The following HSPG2 variants were observed in gnomAD, a reference collection of about 807,000 sequenced individuals.
The protein encoded by HSPG2 is heparan sulfate proteoglycan 2.
In HSPG2, 278 loss-of-function variants were observed where a neutral mutation model predicts 526.6. The observed-to-expected ratio is 0.53, with a 90% CI of 0.48 to 0.58. HSPG2 has a LOEUF of 0.58. HSPG2 is among the 20% of genes least tolerant of loss of function. The probability of loss-of-function intolerance (pLI) is 0.00; values close to 1 mark genes in which losing one functional copy is unlikely to be tolerated. For missense variants in HSPG2, 5,354 were observed against 6,099.5 expected (o/e 0.88, Z 4.07); for synonymous variants, 2,465 against 2,555.4 (o/e 0.96, Z 1.07).
Position 21,876,785 on chromosome 1 carries a change from G to A in HSPG2, c.2686-133C>T, listed in dbSNP as rs1452512809. On this transcript the variant is annotated intron_variant, in intron 21 of 96. Transcript: ENST00000374695. ...ACTGAAAGAGCACATGTGGCTGGGC[G>A]CGGTGGCTCACGCCTGTAATCCCAG... 9.9e-6 allele frequency: 12 copies of A among 1,213,430 alleles called. No homozygotes were observed. In the East Asian group the frequency reaches 1.0e-4, roughly 10 times the overall value. 75.2% of individuals were successfully genotyped at this position (1,213,430 alleles called of 1,614,324 possible).
At chr1:21,878,071 T>TG (rs1641218910) in intron 21 of HSPG2, 115 bp downstream of exon 21, 2 of 961,504 alleles carry the variant, frequency 2.1e-6, no homozygotes, top group Non-Finnish European at 3.2e-6. Flanking sequence ...AGCCTCTGAC[T>TG]GGGTTACCAC....
At chr1:21,928,630 A>G (rs902678373) in intron 1 of HSPG2, among the ~76,000 whole-genome samples, 8 of 151,992 alleles carry the variant, frequency 5.3e-5, no homozygotes, top group Non-Finnish European at 1.0e-4. Flanking sequence ...TTTAGTAGAG[A>G]CGGGGTTTCA....
At chr1:21,918,692 G>A (rs963228260) in intron 1 of HSPG2, among the ~76,000 whole-genome samples, 1 of 152,216 alleles carries the variant, frequency 6.6e-6, no homozygotes, top group African/African-American at 2.4e-5. Flanking sequence ...CAACTCAAGT[G>A]CTCAGTATAG....
At chr1:21,922,355 T>C (rs1337886522) in intron 1 of HSPG2, among the ~76,000 whole-genome samples, 3 of 152,180 alleles carry the variant, frequency 2.0e-5, no homozygotes, top group Admixed American at 1.3e-4. Flanking sequence ...CGGTGCGGAA[T>C]TGATGGACGG....
At chr1:21,886,309 A>G (rs1184104579) in intron 9 of HSPG2, among the ~76,000 whole-genome samples, 1 of 152,186 alleles carries the variant, frequency 6.6e-6, no homozygotes, top group African/African-American at 2.4e-5. Flanking sequence ...TGGTGCTATC[A>G]GGCAAGCTTA....
Position 21,831,664 on chromosome 1 carries a change from A to G in HSPG2, c.11340T>C (p.Asn3780=), listed in dbSNP as rs2229488. The change falls in exon 82 of 97, where the codon AAT becomes AAC. Residue 3780 remains asparagine, a synonymous_variant. Transcript: ENST00000374695. ...SLIVGDLAPV[N]GTSQGKFQGL... ...GGTTGGGTCTCACCTGGGAGGTCCC[A>G]TTGACCGGGGCCAGGTCACCCACAA... The G allele has an allele frequency of 0.084, 135,361 of 1,606,476 alleles. 6,463 individuals carry two copies. Among genetic ancestry groups the G allele is most frequent in the African/African-American group, 0.18 (13,244 of 74,912 alleles).
chr1:21,929,692 T>A (rs950387728), intron 1 of HSPG2, among the ~76,000 whole-genome samples: 4 of 150,188 alleles, frequency 2.7e-5, no homozygotes, highest in African/African-American at 9.8e-5. Context: ...TCCTGCCCAC[T>A]CCTCCTGGAA....
chr1:21,842,401 C>A, intron 67 of HSPG2, 21 bp from the exon 68 acceptor site: 1 of 1,586,164 alleles, frequency 6.3e-7, no homozygotes, highest in Non-Finnish European at 8.6e-7. Flanking sequence ...AGCGAGGGGA[C>A]AGTTATCAGG....
Position 21,873,926 on chromosome 1 carries a change from T to G in HSPG2, c.3742A>C (p.Arg1248=). ...CACCCTCTCCACCCCCTGCCTCACC[T>G]CTCACAGTGACGCCCACTGTGGCCT... ...SPGHSGRHCE[R]CAPGYYGNPS... is the part of the protein sequence containing the mutation. The change falls in exon 29 of 97, where the codon AGG becomes CGG. Residue 1248 remains arginine (R), a splice_region_variant and synonymous_variant. Coordinates refer to ENST00000374695, the MANE Select transcript of HSPG2 (RefSeq NM_005529.7). 6 of 1,584,162 alleles carry G rather than the reference T, an allele frequency of 3.8e-6. No individual in the cohort carries two copies. The highest frequency in any genetic ancestry group is 5.2e-6 in the Non-Finnish European group (6 of 1,164,196).
rs1457568591 is a variant in HSPG2 at position 21,890,278 on chromosome 1, A to G, written c.414-137T>C. On this transcript the variant is annotated intron_variant, in intron 5 of 96. Transcript: ENST00000374695. This position sits in a 1 kb window ranked among gnomAD's most constrained non-coding sequence, Gnocchi z 4.1. ...CAAAGAAGGGCAACTAAAGGTCCCA[A>G]TGATCCCCCGACCAATTCCTGAATT... 18 of 1,284,024 alleles carry G rather than the reference A, an allele frequency of 1.4e-5. No individual in the cohort carries two copies. Among genetic ancestry groups the G allele is most frequent in the South Asian group, 7.1e-5 (6 of 84,112 alleles). The allele number at this position is 1,284,024 out of a possible 1,614,324, so 79.5% of individuals were successfully genotyped here.
chr1:21,857,006 G>A lies in HSPG2; in HGVS notation c.5575+9C>T, dbSNP rs1166444713. 6.2e-6 allele frequency: 10 copies of A among 1,613,736 alleles called. No individual in the cohort carries two copies. Among genetic ancestry groups the A allele is most frequent in the Non-Finnish European group, 8.5e-6 (10 of 1,179,734 alleles). Reference sequence around the variant, plus strand: ...GGAGGGGAGAATCAGGTATAGATGGGAGGTGTACCCTGCACATGTAGAGTG... The same window carrying A: ...GGAGGGGAGAATCAGGTATAGATGGAAGGTGTACCCTGCACATGTAGAGTG... On this transcript the variant is annotated intron_variant, in intron 44 of 96. Coordinates refer to ENST00000374695, the MANE Select transcript of HSPG2 (RefSeq NM_005529.7).
Position 21,859,484 on chromosome 1 carries a change from G to T in HSPG2, c.5293+82C>A. On this transcript the variant is annotated intron_variant, in intron 42 of 96. Coordinates refer to ENST00000374695, the MANE Select transcript of HSPG2 (RefSeq NM_005529.7). This position sits in a 1 kb window ranked among gnomAD's most constrained non-coding sequence, Gnocchi z 5.3. ...CAACCACTGCCCCCTCCCAGCAGGT[G>T]AATGCACCATCTGCCTGAATCTGCA... The T allele has an allele frequency of 9.2e-7, 1 of 1,088,894 alleles. No homozygotes were observed. Among genetic ancestry groups the T allele is most frequent in the Non-Finnish European group, 1.4e-6 (1 of 726,578 alleles). 67.5% of individuals were successfully genotyped at this position (1,088,894 alleles called of 1,614,324 possible). A position where few individuals can be genotyped will look rare whatever the true frequency, so the allele number is the denominator to read the frequency against.
intron 33 of HSPG2, among the ~76,000 whole-genome samples, chr1:21,871,852 T>C (rs932366398): frequency 6.6e-6 from 1 of 152,232 alleles, no homozygotes; most frequent in Non-Finnish European, 1.5e-5. Flanking sequence ...ACACTGAAAC[T>C]GTGTCTCACT....
At position 21,865,401 on chromosome 1, in the gene HSPG2, A is replaced by T. The variant is rs1048576151; in HGVS notation, c.4315-36T>A. 6.3e-7 allele frequency: 1 copy of T among 1,597,410 alleles called. No individual in the cohort carries two copies. The highest frequency in any genetic ancestry group is 8.6e-7 in the Non-Finnish European group (1 of 1,165,298). ...ACCAGCAGGATTGGAAGGGGAGCCG[A>T]GGGGTCCCTGGGGTGCCAGGGTGTC... On this transcript the variant is annotated intron_variant, in intron 34 of 96. Transcript: ENST00000374695. This position sits in a 1 kb window ranked among gnomAD's most constrained non-coding sequence, Gnocchi z 5.4.
At chr1:21,884,420 T>C in intron 13 of HSPG2, 108 bp downstream of exon 13, 1 of 1,441,756 alleles carries the variant, frequency 6.9e-7, no homozygotes, top group East Asian at 2.3e-5. Context: ...CGACTCACAT[T>C]CCTTCCCGAA....
intron 57 of HSPG2, among the ~76,000 whole-genome samples, chr1:21,849,652 T>C (rs1638727528): frequency 6.6e-6 from 1 of 151,876 alleles, no homozygotes; most frequent in African/African-American, 2.4e-5. Flanking sequence ...GAACAGTGTC[T>C]GAACTCGAAC....
rs146309392 is a variant in HSPG2 at position 21,850,422 on chromosome 1, C to T, written c.7235G>A (p.Ser2412Asn). 1.2e-3 allele frequency: 1,907 copies of T among 1,612,062 alleles called. 4 individuals are homozygous for T. Among genetic ancestry groups the T allele is most frequent in the Non-Finnish European group, 1.5e-3 (1,719 of 1,179,408 alleles). Residue 2412 changes from serine (S) to asparagine (N), a missense_variant, in exon 56 of 97, where the codon AGC becomes AAC. Coordinates refer to ENST00000374695, the MANE Select transcript of HSPG2 (RefSeq NM_005529.7). The stretch of plus-strand genomic sequence containing the variant: ...GACAGAGGCCTCTAGAGGCACGGAG[C>T]TGCCCAACACTCGGCACACGTACTC... ...SGEYVCRVLG[S>N]SVPLEASVLV...
In HSPG2 at chr1:21,898,226, TG is replaced by T. The variant is rs1642884692; in HGVS notation, c.64-1917del. On this transcript the variant is annotated intron_variant, in intron 1 of 96. Coordinates refer to ENST00000374695, the MANE Select transcript of HSPG2 (RefSeq NM_005529.7). The surrounding 1 kb of genome is among the most constrained non-coding windows in gnomAD (Gnocchi z 4.0). ...TGAGCTCCCTGGATGGGGGAGTGGC[TG>T]GGTGCCATTTGTTCATCTTTGTGTT... Among the ~76,000 whole-genome samples, 2 of 152,184 alleles carry T rather than the reference TG, an allele frequency of 1.3e-5. No homozygotes were observed. The highest frequency in any genetic ancestry group is 4.8e-5 in the African/African-American group (2 of 41,452).
At chr1:21,935,155 G>A (rs1175864964) in intron 1 of HSPG2, among the ~76,000 whole-genome samples, 1 of 147,188 alleles carries the variant, frequency 6.8e-6, no homozygotes. Context: ...TCCGCCCACC[G>A]TGGCCTCCCA....
Sources: allele counts gnomAD v4.1 joint callset (sites outside exome capture counted in the v4.1 genomes callset), GRCh38; gene constraint gnomAD v4.1.1; non-coding constraint Gnocchi (gnomAD v3.1); transcripts MANE v1.5; gene names NCBI Gene and HGNC (gene_info 2026-07-23, HGNC 2026-07-21).